The following MS4A7 variants were observed in gnomAD, a reference collection of about 807,000 sequenced individuals.
The protein encoded by MS4A7 is membrane spanning 4-domains A7.
MS4A7 carries 21 observed loss-of-function variants against 23.5 expected under a neutral mutation model. That is an observed-to-expected ratio of 0.89 (90% CI 0.63 to 1.29). The LOEUF (loss-of-function observed/expected upper bound fraction) is 1.29. Among genes scored for constraint, MS4A7 ranks in the 50% most tolerant of loss-of-function variants. The pLI, the probability that MS4A7 is intolerant of heterozygous loss-of-function variation, is 0.00. For synonymous variants in MS4A7, 111 were observed against 107.4 expected (o/e 1.03, Z -0.21); for missense variants, 263 against 274.2 (o/e 0.96, Z 0.29).
At position 60,394,876 on chromosome 11, in the gene MS4A7, T is replaced by A. The variant is rs1225150618; in HGVS notation, c.*1015T>A. ...TTTGAATTCATTTATTTTAAATAAA[T>A]GAATAAAATAAAATAAAAAAGAATA... On this transcript the variant is annotated 3_prime_UTR_variant, in exon 7 of 7. Transcript: ENST00000300184. 1.9e-6 allele frequency: 1 copy of A among 521,274 alleles called. No homozygotes were observed. Among genetic ancestry groups the A allele is most frequent in the Non-Finnish European group, 3.4e-6 (1 of 295,100 alleles). The allele number at this position is 521,274 out of a possible 1,614,324, so 32.3% of individuals were successfully genotyped here.
At chr11:60,382,444 C>T (rs1324396844) in intron 1 of MS4A7, among the ~76,000 whole-genome samples, 1 of 152,140 alleles carries the variant, frequency 6.6e-6, no homozygotes, top group African/African-American at 2.4e-5. Flanking sequence ...TTATTAGCCC[C>T]AGGTTTCTAA....
intron 3 of MS4A7, among the ~76,000 whole-genome samples, chr11:60,386,111 A>G (rs1477543223): frequency 1.3e-5 from 2 of 152,200 alleles, no homozygotes; most frequent in African/African-American, 4.8e-5. Context: ...TCCAAGCCAC[A>G]CACTTAAGCA....
intron 5 of MS4A7, among the ~76,000 whole-genome samples, chr11:60,391,269 C>T (rs1402280509): frequency 1.3e-5 from 2 of 152,202 alleles, no homozygotes; most frequent in East Asian, 1.9e-4. Flanking sequence ...TTCATAATTA[C>T]ATATAAAATA....
intron 4 of MS4A7, 130 bp from the exon 5 acceptor site, chr11:60,389,260 T>A: frequency 3.0e-6 from 2 of 663,558 alleles, no homozygotes; most frequent in Non-Finnish European, 5.2e-6. Flanking sequence ...TAAAACACAG[T>A]TTGTGCCCAC....
rs2085526613 is a variant in MS4A7 at position 60,389,456 on chromosome 11, G to A, written c.406G>A (p.Ala136Thr). ...TGCAGGAGCAGGCCTCTTCCTCCTT[G>A]CTGACAGCATGGTAGCCCTGAGGAC... ...VTAGAGLFLL[A>T]DSMVALRTAS... The change falls in exon 5 of 7, where the codon GCT becomes ACT. Residue 136 changes from alanine to threonine, a missense_variant. By Grantham distance (58) the Ala-to-Thr change is moderately conservative (BLOSUM62 0). Coordinates refer to ENST00000300184, the MANE Select transcript of MS4A7 (RefSeq NM_021201.5). 1 of 1,613,964 alleles carries A rather than the reference G, an allele frequency of 6.2e-7. No individual in the cohort carries two copies. Among genetic ancestry groups the A allele is most frequent in the Non-Finnish European group, 8.5e-7 (1 of 1,179,962 alleles).
At chr11:60,384,978 A>G in intron 2 of MS4A7, 110 bp from the exon 3 acceptor site, 1 of 1,030,594 alleles carries the variant, frequency 9.7e-7, no homozygotes, top group Non-Finnish European at 1.4e-6. Flanking sequence ...CCTCTTTAAT[A>G]TAACAAATTA....
In MS4A7 at chr11:60,383,263, T is replaced by G. The variant is rs374218497; in HGVS notation, c.122T>G (p.Leu41Arg). 2 of 1,614,068 alleles carry G rather than the reference T, an allele frequency of 1.2e-6. No individual in the cohort carries two copies. Among genetic ancestry groups the G allele is most frequent in the Non-Finnish European group, 1.7e-6 (2 of 1,180,030 alleles). The change falls in exon 2 of 7, where the codon CTG (leucine) becomes CGG (arginine). Residue 41 changes from leucine (L) to arginine (R), a missense_variant. Leu to Arg is a moderately radical substitution (Grantham distance 102). Coordinates refer to ENST00000300184, the MANE Select transcript of MS4A7 (RefSeq NM_021201.5). ...YQNEDYLQNG[L>R]PTETTVLGTV... is the part of the protein sequence containing the mutation. ...AACGAAGATTACCTGCAGAACGGGCTGCCAACAGAAACCACCGTTCTTGGG... is the reference window on the plus strand; with the variant it reads ...AACGAAGATTACCTGCAGAACGGGCGGCCAACAGAAACCACCGTTCTTGGG...
chr11:60,389,193 C>A (rs1343301603), intron 4 of MS4A7, 197 bp from the exon 5 acceptor site: 5 of 578,272 alleles, frequency 8.6e-6, no homozygotes, highest in Non-Finnish European at 1.5e-5. Context: ...ATTCAATAAG[C>A]ATTTACTAAT....
In MS4A7 at chr11:60,394,811, T is replaced by TA. The variant is rs983417190; in HGVS notation, c.*957dup. Reference sequence around the variant, plus strand: ...GAACAAAACTCCATCTCAAAATAAATAAAAAAATAAATAAAAATAAAAATA... The same window carrying TA: ...GAACAAAACTCCATCTCAAAATAAATAAAAAAAATAAATAAAAATAAAAATA... On this transcript the variant is annotated 3_prime_UTR_variant, in exon 7 of 7. Transcript: ENST00000300184. The TA allele has an allele frequency of 8.8e-6, 3 of 340,964 alleles. No homozygotes were observed. The highest frequency in any genetic ancestry group is 1.5e-5 in the Non-Finnish European group (3 of 194,324). The allele number at this position is 340,964 out of a possible 1,614,324, so 21.1% of individuals were successfully genotyped here. A position where few individuals can be genotyped will look rare whatever the true frequency, so the allele number is the denominator to read the frequency against.
rs2085527832 is a variant in MS4A7, at chr11:60,389,504, G to C, written c.454G>C (p.Glu152Gln). Residue 152 changes from glutamate to glutamine, a missense_variant, in exon 5 of 7, where the codon GAA becomes CAA. By Grantham distance (29) the Glu-to-Gln change is conservative. Transcript: ENST00000300184. ...LRTASQHCGS[E>Q]MDYLSSLPYS... ...GACTGCCTCTCAACATTGTGGCTCA[G>C]AAATGGATTATCTATCCTCATTGCC... is the stretch of plus-strand genomic sequence containing the variant. 1.2e-6 allele frequency: 2 copies of C among 1,614,124 alleles called. No homozygotes were observed. Among genetic ancestry groups the C allele is most frequent in the Non-Finnish European group, 1.7e-6 (2 of 1,179,960 alleles).
intron 1 of MS4A7, among the ~76,000 whole-genome samples, chr11:60,381,604 G>A (rs528662548): frequency 6.6e-5 from 10 of 152,308 alleles, no homozygotes; most frequent in Admixed American, 6.5e-4. Context: ...ATGAATGAGG[G>A]AAAGTATCCT....
chr11:60,384,987 T>C, intron 2 of MS4A7, 101 bp from the exon 3 acceptor site: 1 of 1,104,774 alleles, frequency 9.1e-7, no homozygotes, highest in Non-Finnish European at 1.3e-6. Flanking sequence ...TATAACAAAT[T>C]ATAATGTATT....
At position 60,391,752 on chromosome 11, in the gene MS4A7, C is replaced by A. The variant is rs11230298; in HGVS notation, c.547-933C>A. Reference sequence around the variant, plus strand: ...TGGCCAACATGGTGAAATGCTGTCTCTACTAAAAATACAAAAATTAGTCAG... The same window carrying A: ...TGGCCAACATGGTGAAATGCTGTCTATACTAAAAATACAAAAATTAGTCAG... On this transcript the variant is annotated intron_variant, in intron 5 of 6. Transcript: ENST00000300184. Among the ~76,000 whole-genome samples the A allele has an allele frequency of 4.1e-4, 62 of 152,034 alleles. 1 individual carries two copies. In the East Asian group the frequency reaches 0.011, roughly 28 times the overall value.
intron 1 of MS4A7, among the ~76,000 whole-genome samples, chr11:60,380,642 A>T (rs2085418737): frequency 6.6e-6 from 1 of 152,240 alleles, no homozygotes; most frequent in Non-Finnish European, 1.5e-5. Context: ...GAGGCTGGTG[A>T]CGAAGACTAG....
Position 60,395,782 on chromosome 11 carries a change from A to C in MS4A7, c.*1921A>C, listed in dbSNP as rs1298690174. ...TTAAATGTTCTTAAATGTTCTCACT[A>C]CAAAAAAAGAAAAAAGATAACTACG... is the stretch of plus-strand genomic sequence containing the variant. On this transcript the variant is annotated 3_prime_UTR_variant, in exon 7 of 7. Coordinates refer to ENST00000300184, the MANE Select transcript of MS4A7 (RefSeq NM_021201.5). 6.6e-6 allele frequency: 1 copy of C among 152,276 alleles called. No homozygotes were observed. Among genetic ancestry groups the C allele is most frequent in the Non-Finnish European group, 1.5e-5 (1 of 68,024 alleles). 9.4% of individuals were successfully genotyped at this position (152,276 alleles called of 1,614,324 possible). A position where few individuals can be genotyped will look rare whatever the true frequency, so the allele number is the denominator to read the frequency against.
intron 1 of MS4A7, among the ~76,000 whole-genome samples, chr11:60,379,236 G>A (rs946808007): frequency 6.6e-6 from 1 of 152,170 alleles, no homozygotes; most frequent in Admixed American, 6.5e-5. Flanking sequence ...AAGTAGCAAC[G>A]TGTATCTAAA....
chr11:60,381,754 A>C (rs1364067927), intron 1 of MS4A7, among the ~76,000 whole-genome samples: 1 of 152,142 alleles, frequency 6.6e-6, no homozygotes. Context: ...TGTACCACAA[A>C]CCTATGAAGT....
intron 2 of MS4A7, 35 bp downstream of exon 2, chr11:60,383,323 A>C (rs1259788464): frequency 2.5e-6 from 4 of 1,610,926 alleles, no homozygotes; most frequent in Non-Finnish European, 3.4e-6. Flanking sequence ...AATACTGAGA[A>C]AATACTTTGT....
intron 6 of MS4A7, 142 bp downstream of exon 6, chr11:60,392,928 T>A (rs992082406): frequency 3.3e-6 from 2 of 611,262 alleles, no homozygotes; most frequent in Non-Finnish European, 5.7e-6. Context: ...ATTAAAAAAA[T>A]GAGTTTAACA....
Sources: gnomAD v4.1 joint callset for allele counts (sites outside exome capture counted in the v4.1 genomes callset) on GRCh38, gnomAD v4.1.1 for gene constraint, MANE v1.5 for transcripts, NCBI Gene and HGNC (gene_info 2026-07-23, HGNC 2026-07-21) for gene names.